BABAM2: variants seen among roughly 807,000 people sequenced by gnomAD.
BABAM2 encodes the protein BRISC and BRCA1 A complex member 2, also known as BRISC and BRCA1-A complex member 2.
A neutral mutation model predicts 54.7 loss-of-function variants in BABAM2; 31 were observed. The ratio of observed to expected loss-of-function variants is 0.57; its 90% confidence interval spans 0.43 to 0.77. The LOEUF (loss-of-function observed/expected upper bound fraction) is 0.77. Ranked by LOEUF, BABAM2 falls within the 30% of genes least tolerant of loss-of-function variation. The pLI is 0.00. For synonymous variants in BABAM2, 167 were observed against 162.9 expected, an observed-to-expected ratio of 1.03 and a Z score of -0.19; for missense variants, 364 against 455.8, an observed-to-expected ratio of 0.80 and a Z score of 1.83.
At chr2:27,900,158 A>G (rs1665667433) in intron 2 of BABAM2, among the ~76,000 whole-genome samples, 1 of 152,200 alleles carries the variant, frequency 6.6e-6, no homozygotes, top group South Asian at 2.1e-4. Flanking sequence ...GGTAGGATCT[A>G]CATGTCTAAT....
chr2:27,909,364 C>A (rs1666414195), intron 2 of BABAM2, among the ~76,000 whole-genome samples: 1 of 152,216 alleles, frequency 6.6e-6, no homozygotes, highest in South Asian at 2.1e-4. Flanking sequence ...ATTTATATAT[C>A]TTCTTTGGAG....
chr2:27,930,053 T>G (rs1319768214), intron 3 of BABAM2, 145 bp downstream of exon 3: 9 of 703,648 alleles, frequency 1.3e-5, no homozygotes, highest in Non-Finnish European at 2.1e-5. Context: ...TATCTGCCAT[T>G]CAATTCTAGT....
At chr2:27,971,518 G>A (rs1053498500) in intron 3 of BABAM2, among the ~76,000 whole-genome samples, 1 of 151,838 alleles carries the variant, frequency 6.6e-6, no homozygotes, top group Non-Finnish European at 1.5e-5. Context: ...TAAATACAAA[G>A]CTACTTATTC....
intron 2 of BABAM2, among the ~76,000 whole-genome samples, chr2:27,918,364 T>G (rs1667125968): frequency 6.6e-6 from 1 of 152,174 alleles, no homozygotes; most frequent in African/African-American, 2.4e-5. Flanking sequence ...CTTATTTCAC[T>G]TAGCATAAGG....
intron 3 of BABAM2, among the ~76,000 whole-genome samples, chr2:27,933,629 C>T (rs1463670909): frequency 1.3e-5 from 2 of 151,780 alleles, no homozygotes; most frequent in Admixed American, 6.6e-5. Context: ...CCACCACGCC[C>T]GGATAATTTT....
At chr2:28,101,276 A>G (rs539668316) in intron 6 of BABAM2, among the ~76,000 whole-genome samples, 1 of 152,250 alleles carries the variant, frequency 6.6e-6, no homozygotes, top group African/African-American at 2.4e-5. Flanking sequence ...TCTAGCATGC[A>G]TGGACTCATT....
chr2:28,005,276 C>T (rs1673876323), intron 4 of BABAM2, among the ~76,000 whole-genome samples: 1 of 152,126 alleles, frequency 6.6e-6, no homozygotes, highest in Non-Finnish European at 1.5e-5. Flanking sequence ...ATTAGAAAAT[C>T]TGTCATAGTG....
At chr2:28,150,605 C>G (rs1161908301) in intron 7 of BABAM2, among the ~76,000 whole-genome samples, 1 of 152,192 alleles carries the variant, frequency 6.6e-6, no homozygotes, top group Non-Finnish European at 1.5e-5. Context: ...AGGACCAGTT[C>G]GTAGACATCA....
At chr2:28,051,653 GTT>G (rs1029608075) in intron 6 of BABAM2, among the ~76,000 whole-genome samples, 1 of 144,804 alleles carries the variant, frequency 6.9e-6, no homozygotes. Context: ...GTCAAGGTGT[GTT>G]TTTTTTTTTT....
At chr2:28,259,218 G>C (rs1270428284) in intron 10 of BABAM2, among the ~76,000 whole-genome samples, 1 of 143,668 alleles carries the variant, frequency 7.0e-6, no homozygotes, top group Admixed American at 7.2e-5. Flanking sequence ...CTCCCAAGTA[G>C]CTGGGACTAC....
At chr2:28,124,496 G>A (rs1246088926) in intron 6 of BABAM2, among the ~76,000 whole-genome samples, 2 of 152,144 alleles carry the variant, frequency 1.3e-5, no homozygotes, top group Non-Finnish European at 2.9e-5. Flanking sequence ...TGGAGGACTT[G>A]GTGTATTAAC....
chr2:28,092,551 T>C (rs1666239058), intron 6 of BABAM2, among the ~76,000 whole-genome samples: 1 of 152,156 alleles, frequency 6.6e-6, no homozygotes, highest in Admixed American at 6.5e-5. Flanking sequence ...TTGTAAAATA[T>C]TGCTGAGAGA....
In BABAM2 at chr2:27,921,458, AT is replaced by A. The variant is rs796070954; in HGVS notation, c.129-8373del. 1.1e-4 allele frequency among the ~76,000 whole-genome samples: 17 copies of A among 152,280 alleles called. No individual in the cohort carries two copies. In the South Asian group the frequency reaches 3.5e-3, roughly 32 times the overall value. On this transcript the variant is annotated intron_variant, in intron 2 of 11. Transcript: ENST00000379624. Reference sequence around the variant, plus strand: ...AATTATGATTTATAATTCACTAATCATAAGATATTAATCTGATGGTTTTCTC... The same window carrying A: ...AATTATGATTTATAATTCACTAATCAAAGATATTAATCTGATGGTTTTCTC...
At chr2:27,972,677 A>G (rs1481095813) in intron 3 of BABAM2, among the ~76,000 whole-genome samples, 1 of 152,070 alleles carries the variant, frequency 6.6e-6, no homozygotes, top group Non-Finnish European at 1.5e-5. Flanking sequence ...TAACTTTTAT[A>G]TTGATGACAT....
chr2:28,202,309 G>C (rs1004410643), intron 7 of BABAM2, among the ~76,000 whole-genome samples: 5 of 152,038 alleles, frequency 3.3e-5, no homozygotes, highest in Admixed American at 6.6e-5. Context: ...TTTGAACCCA[G>C]CCTCTCTCCC....
At chr2:28,196,094 G>A (rs62139103) in intron 7 of BABAM2, among the ~76,000 whole-genome samples, 32,960 of 152,052 alleles carry the variant, frequency 0.22, 3,784 homozygotes, top group South Asian at 0.4. Context: ...TTGGGAGGCC[G>A]AGGCAGGCGG....
At chr2:27,898,839 T>C (rs1255112171) in intron 2 of BABAM2, among the ~76,000 whole-genome samples, 3 of 152,010 alleles carry the variant, frequency 2.0e-5, no homozygotes, top group Admixed American at 6.6e-5. Flanking sequence ...AACAAAAATG[T>C]TGTAAAATTA....
At chr2:28,187,996 A>G (rs1032999791) in intron 7 of BABAM2, among the ~76,000 whole-genome samples, 1 of 151,978 alleles carries the variant, frequency 6.6e-6, no homozygotes, top group Non-Finnish European at 1.5e-5. Flanking sequence ...ATGCTTTTCT[A>G]TTACTTTTGT....
At chr2:28,133,659 C>G (rs1670280049) in intron 7 of BABAM2, among the ~76,000 whole-genome samples, 1 of 152,198 alleles carries the variant, frequency 6.6e-6, no homozygotes, top group African/African-American at 2.4e-5. Flanking sequence ...TCTGTCCCAG[C>G]TTGTCCATGC....
Sources: allele counts gnomAD v4.1 joint callset (sites outside exome capture counted in the v4.1 genomes callset), GRCh38; gene constraint gnomAD v4.1.1; transcripts MANE v1.5; gene names NCBI Gene and HGNC (gene_info 2026-07-23, HGNC 2026-07-21).